The following SORCS3 variants were observed in gnomAD, a reference collection of about 807,000 sequenced individuals.
SORCS3 encodes VPS10 domain-containing receptor SorCS3.
A neutral mutation model predicts 146.3 loss-of-function variants in SORCS3; 57 were observed. The observed-to-expected ratio is 0.39, with a 90% CI of 0.31 to 0.49. SORCS3 has a LOEUF of 0.49. Among genes scored for constraint, SORCS3 ranks in the 20% least tolerant of loss-of-function variants. The pLI, the probability that SORCS3 is intolerant of heterozygous loss-of-function variation, is 0.92. For missense variants in SORCS3, 1,341 were observed against 1,575.5 expected (o/e 0.85, Z 2.52); for synonymous variants, 653 against 618.5 (o/e 1.06, Z -0.83).
At chr10:105,051,137 G>T (rs1219168112) in intron 5 of SORCS3, among the ~76,000 whole-genome samples, 2 of 152,080 alleles carry the variant, frequency 1.3e-5, no homozygotes, top group Non-Finnish European at 2.9e-5. Context: ...TAAGAATATT[G>T]TTTATTGTAA....
At chr10:104,955,185 A>G (rs1295044061) in intron 3 of SORCS3, among the ~76,000 whole-genome samples, 1 of 151,466 alleles carries the variant, frequency 6.6e-6, no homozygotes, top group Non-Finnish European at 1.5e-5. Flanking sequence ...ATTCCCCTAT[A>G]TCCCTAGTCT....
intron 4 of SORCS3, among the ~76,000 whole-genome samples, chr10:105,009,049 G>A (rs1048942722): frequency 2.0e-4 from 30 of 152,156 alleles, no homozygotes; most frequent in African/African-American, 6.5e-4. Flanking sequence ...CAGATCTAAC[G>A]CGTAGTTATT....
At chr10:104,974,732 G>A (rs901624855) in intron 3 of SORCS3, among the ~76,000 whole-genome samples, 3 of 152,098 alleles carry the variant, frequency 2.0e-5, no homozygotes, top group Non-Finnish European at 4.4e-5. Flanking sequence ...ATTTGATCCT[G>A]TCATTATGAT....
intron 3 of SORCS3, among the ~76,000 whole-genome samples, chr10:104,922,066 G>A (rs1404784): frequency 0.28 from 42,086 of 152,092 alleles, 7,387 homozygotes; most frequent in African/African-American, 0.5. Context: ...GAGGCACCGC[G>A]TGTGTGGTCG....
intron 1 of SORCS3, among the ~76,000 whole-genome samples, chr10:104,669,703 A>G (rs1421720242): frequency 2.0e-5 from 3 of 152,196 alleles, no homozygotes; most frequent in Admixed American, 2.0e-4. Flanking sequence ...GAACATGGGT[A>G]TATGGTATAC....
At chr10:104,943,004 CT>C (rs2019335748) in intron 3 of SORCS3, among the ~76,000 whole-genome samples, 1 of 152,088 alleles carries the variant, frequency 6.6e-6, no homozygotes, top group Non-Finnish European at 1.5e-5. Context: ...GAAATAACAA[CT>C]GTGGAAAATT....
At chr10:104,688,516 G>A (rs1454350377) in intron 1 of SORCS3, among the ~76,000 whole-genome samples, 7 of 152,242 alleles carry the variant, frequency 4.6e-5, no homozygotes, top group African/African-American at 1.7e-4. Flanking sequence ...GTGCAGCGGT[G>A]GGGACCGCTT....
chr10:105,074,485 G>A (rs1216946757), intron 5 of SORCS3, among the ~76,000 whole-genome samples: 5 of 152,174 alleles, frequency 3.3e-5, no homozygotes. Flanking sequence ...TAGAGGGGAG[G>A]CAGGCAGTAT....
intron 7 of SORCS3, among the ~76,000 whole-genome samples, chr10:105,136,852 T>C (rs573069889): frequency 7.2e-5 from 11 of 152,282 alleles, no homozygotes; most frequent in African/African-American, 2.6e-4. Flanking sequence ...CTTTATGTTT[T>C]GGACCATTCG....
Position 104,947,251 on chromosome 10 carries a change from A to T in SORCS3, c.796-30084A>T, listed in dbSNP as rs188135706. Among the ~76,000 whole-genome samples the T allele has an allele frequency of 8.5e-5, 13 of 152,242 alleles. No individual in the cohort carries two copies. In the East Asian group the frequency reaches 2.1e-3, roughly 25 times the overall value. ...GTTGGTAGACGTTCACATTTTTTAA[A>T]AAAAGCTTCTATGGCAGTGAAAGCA... is the stretch of plus-strand genomic sequence containing the variant. On this transcript the variant is annotated intron_variant, in intron 3 of 26. Coordinates refer to ENST00000369701, the MANE Select transcript of SORCS3 (RefSeq NM_014978.3).
At chr10:105,169,482 G>A (rs2056342413) in intron 13 of SORCS3, among the ~76,000 whole-genome samples, 1 of 152,002 alleles carries the variant, frequency 6.6e-6, no homozygotes, top group South Asian at 2.1e-4. Context: ...TGTGAGGGCT[G>A]ACCTTTGAGA....
intron 1 of SORCS3, among the ~76,000 whole-genome samples, chr10:104,712,192 A>C (rs772507885): frequency 1.1e-4 from 17 of 152,088 alleles, no homozygotes; most frequent in Non-Finnish European, 1.9e-4. Flanking sequence ...AACCTTGTGA[A>C]ATATCATTAT....
intron 2 of SORCS3, among the ~76,000 whole-genome samples, chr10:104,907,909 T>G (rs1014576958): frequency 3.3e-5 from 5 of 152,272 alleles, no homozygotes; most frequent in African/African-American, 1.2e-4. Context: ...GTGGTCAGGC[T>G]GGGCTTCTGC....
intron 22 of SORCS3, among the ~76,000 whole-genome samples, chr10:105,250,248 T>G (rs2056890990): frequency 6.6e-6 from 1 of 152,084 alleles, no homozygotes. Flanking sequence ...ACCATCACAT[T>G]GGATATTAAG....
Position 104,855,716 on chromosome 10 carries a change from A to AGTGTGTGTGTGT in SORCS3, c.695+12860_695+12871dup, listed in dbSNP as rs58569291. 6.5e-3 allele frequency among the ~76,000 whole-genome samples: 983 copies of AGTGTGTGTGTGT among 150,850 alleles called. 13 individuals are homozygous for AGTGTGTGTGTGT. Among genetic ancestry groups the AGTGTGTGTGTGT allele is most frequent in the African/African-American group, 0.023 (943 of 41,158 alleles). On this transcript the variant is annotated intron_variant, in intron 2 of 26. Transcript: ENST00000369701. ...TCAACTTATTTGGTATTTGCTTTTGAGTGTGTGTGTGTGTATGTGTGTGTG... is the reference window on the plus strand; with the variant it reads ...TCAACTTATTTGGTATTTGCTTTTGAGTGTGTGTGTGTGTGTGTGTGTGTGTATGTGTGTGTG...
Position 105,200,058 on chromosome 10 carries a change from C to G in SORCS3, c.2069C>G (p.Ser690Cys), listed in dbSNP as rs1350391240. 6.2e-7 allele frequency: 1 copy of G among 1,613,742 alleles called. No individual in the cohort carries two copies. Among genetic ancestry groups the G allele is most frequent in the Non-Finnish European group, 8.5e-7 (1 of 1,179,710 alleles). Residue 690 changes from serine (S) to cysteine (C), a missense_variant, in exon 15 of 27, where the codon TCT becomes TGT. Coordinates refer to ENST00000369701, the MANE Select transcript of SORCS3 (RefSeq NM_014978.3). The part of the protein sequence containing the change: ...EWQLVKVDYK[S>C]IFSRHCTKED... ...CAATTGGTGAAAGTGGACTACAAATCTATCTTCAGCCGGCATTGCACCAAG... is the reference window on the plus strand; with the variant it reads ...CAATTGGTGAAAGTGGACTACAAATGTATCTTCAGCCGGCATTGCACCAAG...
intron 1 of SORCS3, among the ~76,000 whole-genome samples, chr10:104,705,788 A>T (rs926417337): frequency 1.3e-5 from 2 of 152,188 alleles, no homozygotes; most frequent in African/African-American, 2.4e-5. Flanking sequence ...ACATAGATTG[A>T]GCTAGCCCAG....
intron 4 of SORCS3, among the ~76,000 whole-genome samples, chr10:105,033,496 G>A (rs1296613015): frequency 6.6e-6 from 1 of 152,194 alleles, no homozygotes; most frequent in Non-Finnish European, 1.5e-5. Context: ...TTGTTAAGCA[G>A]CTCAGTGGCA....
At chr10:104,683,481 A>G (rs2016004152) in intron 1 of SORCS3, among the ~76,000 whole-genome samples, 2 of 152,204 alleles carry the variant, frequency 1.3e-5, no homozygotes, top group African/African-American at 4.8e-5. Context: ...ATCTTCCAGG[A>G]TGATTTTTGC....
Sources: gnomAD v4.1 joint callset for allele counts (sites outside exome capture counted in the v4.1 genomes callset) on GRCh38, gnomAD v4.1.1 for gene constraint, MANE v1.5 for transcripts, NCBI Gene and HGNC (gene_info 2026-07-23, HGNC 2026-07-21) for gene names.